Variants in SPATC1 observed in about 807,000 individuals in gnomAD.
SPATC1 encodes speriolin.
A neutral mutation model predicts 36.5 loss-of-function variants in SPATC1; 35 were observed. The ratio of observed to expected loss-of-function variants is 0.96; its 90% CI spans 0.73 to 1.27. The LOEUF (loss-of-function observed/expected upper bound fraction) is 1.27, where lower values mean the gene tolerates loss of function less well. Ranked by LOEUF, SPATC1 falls within the 50% of genes most tolerant of loss-of-function variation. The pLI, the probability that SPATC1 is intolerant of heterozygous loss-of-function variation, is 0.00. For missense variants in SPATC1, 779 were observed against 796.0 expected, an observed-to-expected ratio of 0.98 and a Z score of 0.26; for synonymous variants, 361 against 353.6, an observed-to-expected ratio of 1.02 and a Z score of -0.24.
At chr8:144,024,774 TCAAGACCTACCC>T (rs1834639215) in intron 1 of SPATC1, among the ~76,000 whole-genome samples, 1 of 114,876 alleles carries the variant, frequency 8.7e-6, no homozygotes, top group Non-Finnish European at 1.8e-5. Context: ...CCCTCTCCCC[TCAAGACCTACCC>T]TCTCCCCTCA....
At chr8:144,044,088 T>A (rs1422378824) in intron 4 of SPATC1, among the ~76,000 whole-genome samples, 1 of 152,188 alleles carries the variant, frequency 6.6e-6, no homozygotes. Context: ...CTGACTAGTA[T>A]CGAGCCAGGT....
At chr8:144,023,826 C>CCT (rs1564269756) in intron 1 of SPATC1, among the ~76,000 whole-genome samples, 121 of 434 alleles carry the variant, frequency 0.28, 60 homozygotes, top group Admixed American at 0.52. Context: ...CCCCTCAGGA[C>CCT]CTCCCCTTAG....
At position 144,023,540 on chromosome 8, in the gene SPATC1, G is replaced by A. The variant is rs1459496037; in HGVS notation, c.211+10814G>A. Among the ~76,000 whole-genome samples the A allele has an allele frequency of 2.1e-4, 25 of 121,674 alleles. 2 individuals are homozygous for A. The highest frequency in any genetic ancestry group is 6.2e-4 in the African/African-American group (20 of 32,152). 79.8% of individuals were successfully genotyped at this position (121,674 alleles called of 152,430 possible). ...CTCCCCTCGTGGCCCTCTTCTCTAA[G>A]GACACTCTCTATGCAGGACCCTTTC... On this transcript the variant is annotated intron_variant, in intron 1 of 4. Coordinates refer to ENST00000377470, the MANE Select transcript of SPATC1 (RefSeq NM_198572.3).
chr8:144,036,864 T>C (rs1330786887), intron 1 of SPATC1, among the ~76,000 whole-genome samples: 1 of 151,874 alleles, frequency 6.6e-6, no homozygotes, highest in Non-Finnish European at 1.5e-5. Context: ...TCCACTGAGA[T>C]AGGCTCAGTA....
intron 1 of SPATC1, 150 bp downstream of exon 1, chr8:144,012,876 T>C: frequency 1.2e-6 from 1 of 813,456 alleles, no homozygotes; most frequent in African/African-American, 1.7e-5. Context: ...CACCAGACAA[T>C]GTGCTTCCTG....
chr8:144,024,792 C>CCTCCCCTCAGGACCACCTTCT (rs1834640005), intron 1 of SPATC1, among the ~76,000 whole-genome samples: 1 of 149,500 alleles, frequency 6.7e-6, no homozygotes, highest in African/African-American at 2.5e-5. Flanking sequence ...TACCCTCTCC[C>CCTCCCCTCAGGACCACCTTCT]CTCAGCACCC....
chr8:144,016,672 G>A lies in SPATC1; in HGVS notation c.211+3946G>A, dbSNP rs1268327412. Among the ~76,000 whole-genome samples, 2 of 151,988 alleles carry A rather than the reference G, an allele frequency of 1.3e-5. No individual in the cohort carries two copies. Among genetic ancestry groups the A allele is most frequent in the Admixed American group, 6.6e-5 (1 of 15,248 alleles). The stretch of plus-strand genomic sequence containing the variant: ...GACAGAGTGTCGAAGTTTCACTCTT[G>A]TTGCCCAGGCTGGAGTGCAATGGCG... On this transcript the variant is annotated intron_variant, in intron 1 of 4. Coordinates refer to ENST00000377470, the MANE Select transcript of SPATC1 (RefSeq NM_198572.3). The surrounding 1 kb of genome is among the most constrained non-coding windows in gnomAD (Gnocchi z 4.5).
At chr8:144,019,076 G>C (rs1834451910) in intron 1 of SPATC1, among the ~76,000 whole-genome samples, 1 of 151,340 alleles carries the variant, frequency 6.6e-6, no homozygotes, top group Non-Finnish European at 1.5e-5. Context: ...GACGGGGAAG[G>C]AACTGAGAGG....
intron 1 of SPATC1, among the ~76,000 whole-genome samples, chr8:144,018,750 G>A (rs1173129572): frequency 6.6e-6 from 1 of 151,760 alleles, no homozygotes; most frequent in African/African-American, 2.4e-5. Flanking sequence ...AAAAATGGGG[G>A]GCTGGGCACG....
chr8:144,012,026 C>G (rs1419189868), upstream of SPATC1, among the ~76,000 whole-genome samples: 1 of 152,198 alleles, frequency 6.6e-6, no homozygotes, highest in African/African-American at 2.4e-5. Flanking sequence ...TACTGTTTAC[C>G]TACAAACATT....
At chr8:144,026,226 T>A (rs1306696358) in intron 1 of SPATC1, among the ~76,000 whole-genome samples, 8 of 152,190 alleles carry the variant, frequency 5.3e-5, no homozygotes, top group African/African-American at 1.9e-4. Context: ...TCACTAAGCA[T>A]AATGTTTTCA....
chr8:144,014,871 T>A (rs528096983), intron 1 of SPATC1, among the ~76,000 whole-genome samples: 9 of 152,286 alleles, frequency 5.9e-5, no homozygotes, highest in African/African-American at 1.9e-4. Context: ...CCACACATAC[T>A]CTGCAGTGTG....
In SPATC1 at chr8:144,040,304, A is replaced by C; in HGVS notation, c.607A>C (p.Thr203Pro). Residue 203 changes from threonine (T) to proline (P), a missense_variant, in exon 2 of 5, where the codon ACT becomes CCT. By Grantham distance (38) the Thr-to-Pro change is conservative (BLOSUM62 -1). Coordinates refer to ENST00000377470, the MANE Select transcript of SPATC1 (RefSeq NM_198572.3). ...TCTGAGCAGCCCCCTCCTCAGCTCC[A>C]CTGCCACCCCACCAGGGGTCTCTCA... ...VSLSSPLLSS[T>P]ATPPGVSQNL... 4 of 1,612,696 alleles carry C rather than the reference A, an allele frequency of 2.5e-6. No homozygotes were observed. The highest frequency in any genetic ancestry group is 2.5e-6 in the Non-Finnish European group (3 of 1,179,872).
intron 1 of SPATC1, among the ~76,000 whole-genome samples, chr8:144,035,436 G>A (rs1834879323): frequency 6.6e-6 from 1 of 152,212 alleles, no homozygotes; most frequent in Non-Finnish European, 1.5e-5. Flanking sequence ...CTGTGTCGGC[G>A]CCATTGTTCC....
rs765004391 is a variant in SPATC1 at position 144,040,722 on chromosome 8, G to A, written c.921G>A (p.Gln307=). 1.2e-6 allele frequency: 2 copies of A among 1,613,286 alleles called. No individual in the cohort carries two copies. The highest frequency in any genetic ancestry group is 1.7e-6 in the Non-Finnish European group (2 of 1,179,868). ...TAFSFNTSDT[Q]AQPSAAQEQV... Reference sequence around the variant, plus strand: ...TCTCCTTCAACACTTCGGACACACAGGCCCAGCCCAGTGCCGCCCAGGAAC... The same window carrying A: ...TCTCCTTCAACACTTCGGACACACAAGCCCAGCCCAGTGCCGCCCAGGAAC... The change falls in exon 3 of 5, where the codon CAG becomes CAA. Residue 307 remains glutamine (Q), a synonymous_variant. Coordinates refer to ENST00000377470, the MANE Select transcript of SPATC1 (RefSeq NM_198572.3).
At chr8:144,015,205 A>AT (rs1554753008) in intron 1 of SPATC1, among the ~76,000 whole-genome samples, 2 of 139,010 alleles carry the variant, frequency 1.4e-5, no homozygotes, top group African/African-American at 6.4e-5. Flanking sequence ...ACTCCTGGCT[A>AT]ATTTTTTTTT....
rs142732808 is a variant in SPATC1 at position 144,012,291 on chromosome 8, C to T, written c.-225C>T. 45 of 559,804 alleles carry T rather than the reference C, an allele frequency of 8.0e-5. No homozygotes were observed. The highest frequency in any genetic ancestry group is 6.2e-4 in the South Asian group (28 of 44,970). The allele number at this position is 559,804 out of a possible 1,614,324, so 34.7% of individuals were successfully genotyped here. A position where few individuals can be genotyped will look rare whatever the true frequency, so the allele number is the denominator to read the frequency against. On this transcript the variant is annotated 5_prime_UTR_variant, in exon 1 of 5. Coordinates refer to ENST00000377470, the MANE Select transcript of SPATC1 (RefSeq NM_198572.3). ...GAGAAAAGGTCAGGACATTCCAGGC[C>T]GAGGCAAGGCCTGTGTACAGGCCTG...
chr8:144,039,802 G>T (rs1835010801), intron 1 of SPATC1, 107 bp from the exon 2 acceptor site: 6 of 1,226,158 alleles, frequency 4.9e-6, no homozygotes, highest in Middle Eastern at 2.6e-4. Flanking sequence ...ATCGGGGACA[G>T]ATGGGCACTA....
At chr8:144,036,090 C>T (rs1216027336) in intron 1 of SPATC1, among the ~76,000 whole-genome samples, 2 of 152,134 alleles carry the variant, frequency 1.3e-5, no homozygotes, top group African/African-American at 2.4e-5. Flanking sequence ...TAAAACAAAA[C>T]TTTCTAAAAA....
Sources: allele counts gnomAD v4.1 joint callset (sites outside exome capture counted in the v4.1 genomes callset), GRCh38; gene constraint gnomAD v4.1.1; non-coding constraint Gnocchi (gnomAD v3.1); transcripts MANE v1.5; gene names NCBI Gene and HGNC (gene_info 2026-07-23, HGNC 2026-07-21).